TASOR2: variants seen among roughly 807,000 people sequenced by gnomAD.
TASOR2 encodes the protein protein TASOR 2.
Under a neutral mutation model 199.5 loss-of-function variants are expected in TASOR2, and 84 were observed. The observed-to-expected ratio is 0.42, with a 90% CI of 0.35 to 0.50. The LOEUF is 0.50. TASOR2 is among the 20% of genes least tolerant of loss of function. The pLI, the probability that TASOR2 is intolerant of heterozygous loss-of-function variation, is 0.02. For missense variants in TASOR2, 2,796 were observed against 2,835.9 expected (o/e 0.99, Z 0.32); for synonymous variants, 1,103 against 1,046.6 (o/e 1.05, Z -1.04).
At chr10:5,711,568 T>G (rs1427919842) in intron 1 of TASOR2, among the ~76,000 whole-genome samples, 2 of 151,894 alleles carry the variant, frequency 1.3e-5, no homozygotes, top group Non-Finnish European at 2.9e-5. Context: ...GATGCAAGAG[T>G]GTCCGTAGGT....
chr10:5,732,990 C>T lies in TASOR2; in HGVS notation c.1204+1787C>T, dbSNP rs150867646. Among the ~76,000 whole-genome samples the T allele has an allele frequency of 1.2e-3, 187 of 152,230 alleles. 3 individuals carry two copies. The East Asian group carries it at 0.026, about 22-fold the overall frequency. On this transcript the variant is annotated intron_variant, in intron 11 of 20. Coordinates refer to ENST00000328090, the Ensembl canonical transcript of TASOR2. Reference sequence around the variant, plus strand: ...ATACAACTATCTGTAAAACAGATTCCAGGCCAACCATACTGTTCTGCATGA... The same window carrying T: ...ATACAACTATCTGTAAAACAGATTCTAGGCCAACCATACTGTTCTGCATGA...
At chr10:5,721,853 A>G (rs1205955755) in intron 6 of TASOR2, among the ~76,000 whole-genome samples, 2 of 152,216 alleles carry the variant, frequency 1.3e-5, no homozygotes, top group Non-Finnish European at 2.9e-5. Flanking sequence ...TACCATCTTA[A>G]CTCAGCAGTT....
In TASOR2 at chr10:5,698,785, A is replaced by G. The variant is rs1837452909; in HGVS notation, c.-288+13610A>G. Among the ~76,000 whole-genome samples the G allele has an allele frequency of 6.6e-6, 1 of 152,238 alleles. No individual in the cohort carries two copies. Among genetic ancestry groups the G allele is most frequent in the Non-Finnish European group, 1.5e-5 (1 of 68,022 alleles). ...AAATTTTAAAATAAATTTATATACC[A>G]CATCATACCCATTAAGATAGCTGTA... On this transcript the variant is annotated intron_variant, in intron 1 of 20. Coordinates refer to ENST00000328090, the Ensembl canonical transcript of TASOR2. The surrounding 1 kb of genome is among the most constrained non-coding windows in gnomAD (Gnocchi z 4.4).
chr10:5,739,846 G>C, exon 13 of TASOR2: 1 of 1,614,162 alleles, frequency 6.2e-7, no homozygotes, highest in Non-Finnish European at 8.5e-7. Flanking sequence ...AATCTTCACT[G>C]TTCCTCTGAA....
intron 17 of TASOR2, among the ~76,000 whole-genome samples, chr10:5,758,404 G>A (rs1353127364): frequency 6.6e-6 from 1 of 152,098 alleles, no homozygotes; most frequent in African/African-American, 2.4e-5. Context: ...AGCCAGCTGT[G>A]GTAGTGTGTG....
chr10:5,704,591 C>T (rs1475662480), intron 1 of TASOR2, among the ~76,000 whole-genome samples: 3 of 151,852 alleles, frequency 2.0e-5, no homozygotes, highest in South Asian at 2.1e-4. Context: ...ATTTTTTCTT[C>T]GGTTTAATTA....
rs1360965723 is a variant in TASOR2 at position 5,748,074 on chromosome 10, A to G, written c.4653A>G (p.Pro1551=). 1.9e-6 allele frequency: 3 copies of G among 1,614,110 alleles called. No homozygotes were observed. Among genetic ancestry groups the G allele is most frequent in the African/African-American group, 2.7e-5 (2 of 74,944 alleles). The change falls in exon 15 of 21, where the codon CCA becomes CCG. Residue 1551 remains proline (P), a synonymous_variant. Coordinates refer to ENST00000328090, the Ensembl canonical transcript of TASOR2. The surrounding 1 kb of genome is among the most constrained non-coding windows in gnomAD (Gnocchi z 5.1). ...AAAAACTGGTAAAATCAGGAAATCC[A>G]TTGCAGCCAGTTAGTATAGAGAATA...
At chr10:5,696,878 AAAC>A in intron 1 of TASOR2, among the ~76,000 whole-genome samples, 1 of 152,298 alleles carries the variant, frequency 6.6e-6, no homozygotes, top group South Asian at 2.1e-4. Flanking sequence ...TATATAAAAA[AAAC>A]TGCTGCGACA....
chr10:5,728,373 C>CA (rs1333839432), intron 10 of TASOR2, among the ~76,000 whole-genome samples: 2 of 152,070 alleles, frequency 1.3e-5, no homozygotes, highest in African/African-American at 2.4e-5. Context: ...CAGGGTGGCT[C>CA]ACGCCTGTAA....
At chr10:5,747,581 C>T in exon 15 of TASOR2, 14 of 1,614,142 alleles carry the variant, frequency 8.7e-6, no homozygotes, top group Non-Finnish European at 1.2e-5. Flanking sequence ...ATTAATGTGA[C>T]CTCTGATTTT....
intron 1 of TASOR2, chr10:5,709,618 C>T (rs1564274019): frequency 8.1e-7 from 1 of 1,231,022 alleles, no homozygotes; most frequent in Non-Finnish European, 1.0e-6. Flanking sequence ...CTCCCAGCTA[C>T]ATTCTCTCTT....
chr10:5,758,719 T>A lies in TASOR2; in HGVS notation c.6887-168T>A, dbSNP rs77711756. 2.5e-3 allele frequency among the ~76,000 whole-genome samples: 380 copies of A among 152,340 alleles called. 8 individuals carry two copies. In the East Asian group the frequency reaches 0.046, roughly 18 times the overall value. The stretch of plus-strand genomic sequence containing the variant: ...AGGTGGGACCAGGCTGAGGGGCTTG[T>A]GAGAGCAGGATGCTGCCCAACCACA... On this transcript the variant is annotated intron_variant, in intron 17 of 20. Coordinates refer to ENST00000328090, the Ensembl canonical transcript of TASOR2.
chr10:5,712,557 C>A, intron 1 of TASOR2: 1 of 1,231,270 alleles, frequency 8.1e-7, no homozygotes, highest in South Asian at 4.1e-5. Flanking sequence ...GCTTGGTACA[C>A]ACTATGATGG....
intron 3 of TASOR2, among the ~76,000 whole-genome samples, chr10:5,718,305 T>C (rs1314975164): frequency 6.6e-6 from 1 of 151,112 alleles, no homozygotes; most frequent in African/African-American, 2.4e-5. Flanking sequence ...AGGACATTTC[T>C]GTGGTCTCGT....
intron 1 of TASOR2, among the ~76,000 whole-genome samples, chr10:5,707,224 A>C (rs1346655359): frequency 6.6e-6 from 1 of 152,214 alleles, no homozygotes; most frequent in Non-Finnish European, 1.5e-5. Flanking sequence ...TAGAAAGGCA[A>C]TTATAACTAA....
chr10:5,708,539 T>G (rs897949691), intron 1 of TASOR2, among the ~76,000 whole-genome samples: 4 of 149,706 alleles, frequency 2.7e-5, no homozygotes, highest in Admixed American at 1.3e-4. Context: ...TTCTTTCCTT[T>G]CTTTCTCTTT....
chr10:5,749,891 C>G, exon 15 of TASOR2: 1 of 1,614,182 alleles, frequency 6.2e-7, no homozygotes, highest in East Asian at 2.2e-5. Context: ...CGGTCAGCCT[C>G]CTATGAAGAC....
At chr10:5,761,114 T>A in intron 18 of TASOR2, 176 bp from the exon 20 acceptor site, 1 of 561,854 alleles carries the variant, frequency 1.8e-6, no homozygotes, top group East Asian at 3.0e-5. Context: ...AATCCACATT[T>A]ACAAAAGGAG....
intron 14 of TASOR2, among the ~76,000 whole-genome samples, chr10:5,745,527 C>T (rs1826148281): frequency 1.3e-5 from 2 of 152,140 alleles, no homozygotes; most frequent in Admixed American, 6.5e-5. Flanking sequence ...CACCTGTAAT[C>T]CCAGCACTTT....
Sources: allele counts gnomAD v4.1 joint callset (sites outside exome capture counted in the v4.1 genomes callset), GRCh38; gene constraint gnomAD v4.1.1; non-coding constraint Gnocchi (gnomAD v3.1); transcripts MANE v1.5; gene names NCBI Gene and HGNC (gene_info 2026-07-23, HGNC 2026-07-21).